Variants in CCNY observed in about 807,000 individuals in gnomAD.
CCNY encodes cyclin-Y.
A neutral mutation model predicts 42.8 loss-of-function variants in CCNY; 19 were observed. The ratio of observed to expected loss-of-function variants is 0.44; its 90% CI spans 0.31 to 0.65. The LOEUF (loss-of-function observed/expected upper bound fraction) is 0.65. Among genes scored for constraint, CCNY ranks in the 30% least tolerant of loss-of-function variants. The probability of loss-of-function intolerance (pLI) is 0.07; values close to 1 mark genes in which losing one functional copy is unlikely to be tolerated. For synonymous variants in CCNY, 165 were observed against 162.7 expected, an observed-to-expected ratio of 1.01 and a Z score of -0.11; for missense variants, 370 against 437.3, an observed-to-expected ratio of 0.85 and a Z score of 1.37.
At position 35,389,374 on chromosome 10, in the gene CCNY, G is replaced by A. The variant is rs558594734; in HGVS notation, c.154+52167G>A. Among the ~76,000 whole-genome samples the A allele has an allele frequency of 7.9e-5, 12 of 151,642 alleles. No homozygotes were observed. The South Asian group carries it at 8.4e-4, about 11-fold the overall frequency. On this transcript the variant is annotated intron_variant, in intron 1 of 9. Transcript: ENST00000374704. ...ATGGTGCTTAGTAAGTGTTTGCTGA[G>A]CTAAAGGGAACTCTTTCAACTCCCT...
intron 1 of CCNY, among the ~76,000 whole-genome samples, chr10:35,388,868 G>A (rs1313079311): frequency 1.3e-5 from 2 of 152,122 alleles, no homozygotes; most frequent in African/African-American, 2.4e-5. Flanking sequence ...GGTTGCCTGC[G>A]TTCCTTGGCT....
At chr10:35,449,250 GTGAGAAGGAGC>G (rs1174095468) in intron 1 of CCNY, among the ~76,000 whole-genome samples, 1 of 146,538 alleles carries the variant, frequency 6.8e-6, no homozygotes, top group Non-Finnish European at 1.5e-5. Context: ...AGAGGTGTGT[GTGAGAAGGAGC>G]TGAGGAGGGG....
At chr10:35,332,764 C>G (rs1454253850), upstream of CCNY, among the ~76,000 whole-genome samples, 1 of 152,128 alleles carries the variant, frequency 6.6e-6, no homozygotes, top group Non-Finnish European at 1.5e-5. Flanking sequence ...ACCACCACGC[C>G]TGGCTAATTT....
intron 3 of CCNY, among the ~76,000 whole-genome samples, chr10:35,328,070 A>G (rs545464800): frequency 6.6e-6 from 1 of 152,232 alleles, no homozygotes; most frequent in Non-Finnish European, 1.5e-5. Flanking sequence ...TGATGTGTGA[A>G]TATTCCAAAT....
chr10:35,380,599 A>G (rs1355769902), intron 1 of CCNY, among the ~76,000 whole-genome samples: 1 of 152,240 alleles, frequency 6.6e-6, no homozygotes, highest in African/African-American at 2.4e-5. Flanking sequence ...CCCAGGTACA[A>G]CTATCACATA....
chr10:35,319,866 C>T (rs1835801674), intron 3 of CCNY, among the ~76,000 whole-genome samples: 1 of 152,102 alleles, frequency 6.6e-6, no homozygotes, highest in Admixed American at 6.5e-5. Context: ...AGGAGAATTG[C>T]TTGAACCCGG....
chr10:35,251,588 A>G (rs909532064), intron 3 of CCNY, among the ~76,000 whole-genome samples: 1 of 131,576 alleles, frequency 7.6e-6, no homozygotes, highest in Admixed American at 7.6e-5. Context: ...CTTCAATGTC[A>G]CTTTTTTTTT....
At chr10:35,334,832 C>T (rs897453877), upstream of CCNY, among the ~76,000 whole-genome samples, 6 of 152,090 alleles carry the variant, frequency 3.9e-5, no homozygotes, top group Admixed American at 3.3e-4. Context: ...TTTATAAAGC[C>T]GTTCACACGA....
chr10:35,467,720 C>T (rs1041550996), intron 1 of CCNY, among the ~76,000 whole-genome samples: 2 of 152,182 alleles, frequency 1.3e-5, no homozygotes, highest in Non-Finnish European at 2.9e-5. Flanking sequence ...AGTTTCATTC[C>T]TGACTTGAGA....
At chr10:35,274,855 C>A (rs568657287) in intron 3 of CCNY, among the ~76,000 whole-genome samples, 1 of 152,102 alleles carries the variant, frequency 6.6e-6, no homozygotes, top group South Asian at 2.1e-4. Context: ...AGCTGCCACA[C>A]GGGCACAGCA....
rs528445975 is a variant in CCNY, at chr10:35,397,207, A to G, written c.154+60000A>G. ...TTCAGAAGAAAAGTGGAAACAAAAC[A>G]AAAGTGTTGAAGTTGTTCTGGTAGC... On this transcript the variant is annotated intron_variant, in intron 1 of 9. Transcript: ENST00000374704. Among the ~76,000 whole-genome samples the G allele has an allele frequency of 1.2e-4, 19 of 152,350 alleles. 1 individual carries two copies. The South Asian group carries it at 3.7e-3, about 30-fold the overall frequency.
At chr10:35,540,564 C>T (rs1484743936) in intron 7 of CCNY, among the ~76,000 whole-genome samples, 1 of 144,830 alleles carries the variant, frequency 6.9e-6, no homozygotes, top group African/African-American at 2.5e-5. Context: ...ATTCCTTCTA[C>T]TTTTTTTTTT....
At chr10:35,299,627 C>T (rs1254598162) in intron 3 of CCNY, among the ~76,000 whole-genome samples, 9 of 152,140 alleles carry the variant, frequency 5.9e-5, no homozygotes, top group Admixed American at 5.9e-4. Context: ...CATCCTTTTA[C>T]TTTTAACATT....
chr10:35,525,543 A>G (rs986051167), intron 4 of CCNY, among the ~76,000 whole-genome samples: 1 of 152,200 alleles, frequency 6.6e-6, no homozygotes, highest in Admixed American at 6.5e-5. Context: ...TTCTTGGGTG[A>G]TATTCACATT....
At chr10:35,332,358 T>C (rs891230740), upstream of CCNY, 1 of 152,226 alleles carries the variant, frequency 6.6e-6, no homozygotes. Flanking sequence ...CAGGGAGTTG[T>C]GCAAATGACT....
intron 3 of CCNY, among the ~76,000 whole-genome samples, chr10:35,286,809 A>G (rs1345213689): frequency 6.6e-6 from 1 of 151,358 alleles, no homozygotes; most frequent in East Asian, 1.9e-4. Context: ...ACAGGTGAGC[A>G]CCATCAAGCC....
intron 1 of CCNY, among the ~76,000 whole-genome samples, chr10:35,410,897 T>G (rs3003975): frequency 1.3e-5 from 2 of 152,122 alleles, no homozygotes; most frequent in East Asian, 3.9e-4. Context: ...CTACTGCTAG[T>G]ATACTTGGTG....
chr10:35,268,241 C>T (rs572531163), intron 3 of CCNY, among the ~76,000 whole-genome samples: 2 of 151,992 alleles, frequency 1.3e-5, no homozygotes, highest in East Asian at 3.9e-4. Flanking sequence ...ATGCCAGGTG[C>T]GGTGGCTCAC....
intron 1 of CCNY, among the ~76,000 whole-genome samples, chr10:35,421,958 G>A (rs1838167995): frequency 6.6e-6 from 1 of 152,146 alleles, no homozygotes; most frequent in Non-Finnish European, 1.5e-5. Context: ...TTGCAGAGGG[G>A]AAACTGAAGC....
Sources: gnomAD v4.1 joint callset for allele counts (sites outside exome capture counted in the v4.1 genomes callset) on GRCh38, gnomAD v4.1.1 for gene constraint, MANE v1.5 for transcripts, NCBI Gene and HGNC (gene_info 2026-07-23, HGNC 2026-07-21) for gene names.